The following NALCN variants were observed in gnomAD, a reference collection of about 807,000 sequenced individuals.
The protein encoded by NALCN is sodium leak channel NALCN.
A neutral mutation model predicts 225.3 loss-of-function variants in NALCN; 111 were observed. That is an observed-to-expected ratio of 0.49 (90% CI 0.42 to 0.58). The LOEUF (loss-of-function observed/expected upper bound fraction) is 0.58, where lower values mean the gene tolerates loss of function less well. NALCN is among the 20% of genes least tolerant of loss of function. The pLI is 0.00. For synonymous variants in NALCN, 764 were observed against 769.0 expected (o/e 0.99, Z 0.11); for missense variants, 1,378 against 2,202.4 (o/e 0.63, Z 7.49).
intron 10 of NALCN, among the ~76,000 whole-genome samples, chr13:101,268,534 T>C (rs2042671410): frequency 1.3e-5 from 2 of 152,140 alleles, no homozygotes; most frequent in South Asian, 4.1e-4. Context: ...CTAGTCTGGG[T>C]CATATATATT....
Position 101,255,483 on chromosome 13 carries a change from A to C in NALCN, c.1266+2960T>G, listed in dbSNP as rs528946557. On this transcript the variant is annotated intron_variant, in intron 11 of 43. Transcript: ENST00000251127. The stretch of plus-strand genomic sequence containing the variant: ...TAGATCACAAAAGCAATGTTACTGT[A>C]ATCTCTAATGTCAAGATTCCCTCAG... Among the ~76,000 whole-genome samples, 144 of 152,320 alleles carry C rather than the reference A, an allele frequency of 9.5e-4. 1 individual carries two copies. The highest frequency in any genetic ancestry group is 6.8e-3 in the Middle Eastern group (2 of 294).
intron 37 of NALCN, among the ~76,000 whole-genome samples, chr13:101,072,533 C>T (rs2139460893): frequency 6.6e-6 from 1 of 152,314 alleles, no homozygotes; most frequent in East Asian, 1.9e-4. Flanking sequence ...ATAATCCCAG[C>T]ATTCTGCTTG....
chr13:101,120,308 T>C (rs1303115387), intron 18 of NALCN, among the ~76,000 whole-genome samples: 1 of 152,154 alleles, frequency 6.6e-6, no homozygotes, highest in Admixed American at 6.6e-5. Flanking sequence ...ACTTGACTTG[T>C]CCAGGAAGGT....
intron 13 of NALCN, among the ~76,000 whole-genome samples, chr13:101,214,245 T>A (rs1486124144): frequency 1.5e-5 from 2 of 135,476 alleles, no homozygotes; most frequent in Non-Finnish European, 1.5e-5. Flanking sequence ...AATTGAACAA[T>A]GAGAACATTT....
intron 22 of NALCN, among the ~76,000 whole-genome samples, chr13:101,105,822 C>G (rs565979348): frequency 3.2e-4 from 49 of 152,228 alleles, no homozygotes; most frequent in Non-Finnish European, 6.3e-4. Context: ...AGCTGGGTCC[C>G]TGAGCAAAGC....
At chr13:101,241,227 T>C (rs777565131) in intron 11 of NALCN, among the ~76,000 whole-genome samples, 14 of 152,190 alleles carry the variant, frequency 9.2e-5, no homozygotes, top group Admixed American at 1.3e-4. Flanking sequence ...TCATTGATTG[T>C]CTCTAGATTT....
At chr13:101,079,203 T>C (rs973129029) in intron 34 of NALCN, among the ~76,000 whole-genome samples, 2 of 152,232 alleles carry the variant, frequency 1.3e-5, no homozygotes, top group Non-Finnish European at 2.9e-5. Flanking sequence ...AAATTTTATC[T>C]GGAGAAAGGA....
intron 6 of NALCN, among the ~76,000 whole-genome samples, chr13:101,367,862 A>T (rs2046420591): frequency 6.6e-6 from 1 of 152,032 alleles, no homozygotes; most frequent in Non-Finnish European, 1.5e-5. Flanking sequence ...CCAACTTGTA[A>T]GCATGGTGGT....
intron 7 of NALCN, among the ~76,000 whole-genome samples, chr13:101,324,336 A>G (rs1566576904): frequency 1.3e-5 from 2 of 152,250 alleles, no homozygotes; most frequent in Non-Finnish European, 2.9e-5. Context: ...TTTTGTAAAA[A>G]GAACAAAAGA....
At chr13:101,145,596 C>A (rs1222723926) in intron 15 of NALCN, among the ~76,000 whole-genome samples, 2 of 152,184 alleles carry the variant, frequency 1.3e-5, no homozygotes, top group East Asian at 3.8e-4. Context: ...TAAACTGGAA[C>A]AAGGCTGAAC....
intron 6 of NALCN, among the ~76,000 whole-genome samples, chr13:101,355,320 C>A (rs2046021699): frequency 6.7e-6 from 1 of 150,272 alleles, no homozygotes; most frequent in African/African-American, 2.5e-5. Flanking sequence ...TGCAAAGACA[C>A]ACATAGGCTC....
chr13:101,400,590 T>TGTGCGC (rs1555347181), intron 1 of NALCN, among the ~76,000 whole-genome samples: 47 of 142,818 alleles, frequency 3.3e-4, no homozygotes, highest in African/African-American at 1.1e-3. Flanking sequence ...TGCACGTGTG[T>TGTGCGC]GCGCGCGCAC....
intron 7 of NALCN, among the ~76,000 whole-genome samples, chr13:101,328,656 T>C (rs140274556): frequency 6.6e-6 from 1 of 152,324 alleles, no homozygotes; most frequent in Admixed American, 6.5e-5. Context: ...ATTTATTTAC[T>C]TAATTATGTA....
chr13:101,362,029 A>G (rs1279704694), intron 6 of NALCN, among the ~76,000 whole-genome samples: 1 of 151,890 alleles, frequency 6.6e-6, no homozygotes, highest in Non-Finnish European at 1.5e-5. Context: ...TTATCATATG[A>G]AAGGCTGGTT....
intron 20 of NALCN, among the ~76,000 whole-genome samples, chr13:101,109,647 G>A (rs577488047): frequency 1.8e-4 from 28 of 152,206 alleles, no homozygotes; most frequent in Admixed American, 7.2e-4. Context: ...TCAACCTAAC[G>A]CCTGTCTTTT....
intron 15 of NALCN, among the ~76,000 whole-genome samples, chr13:101,157,560 G>A (rs1268865687): frequency 1.3e-5 from 2 of 152,184 alleles, no homozygotes; most frequent in African/African-American, 2.4e-5. Flanking sequence ...TTATAGGAAA[G>A]TTGGATTATA....
intron 34 of NALCN, among the ~76,000 whole-genome samples, chr13:101,077,727 T>C (rs549064300): frequency 6.6e-5 from 10 of 152,336 alleles, no homozygotes; most frequent in African/African-American, 1.7e-4. Context: ...CCTTATTTAC[T>C]AGGGAGAAAT....
At chr13:101,103,905 A>G (rs1228187592) in intron 25 of NALCN, among the ~76,000 whole-genome samples, 3 of 152,156 alleles carry the variant, frequency 2.0e-5, no homozygotes, top group Non-Finnish European at 4.4e-5. Flanking sequence ...CAATCACTTT[A>G]GTTTGCTTTC....
At chr13:101,275,555 T>C (rs2042942696) in intron 10 of NALCN, among the ~76,000 whole-genome samples, 1 of 152,174 alleles carries the variant, frequency 6.6e-6, no homozygotes, top group African/African-American at 2.4e-5. Flanking sequence ...AGCTGAAATA[T>C]GTTTCCAGAG....
Sources: allele counts gnomAD v4.1 joint callset (sites outside exome capture counted in the v4.1 genomes callset), GRCh38; gene constraint gnomAD v4.1.1; transcripts MANE v1.5; gene names NCBI Gene and HGNC (gene_info 2026-07-23, HGNC 2026-07-21).